Variants in KCNAB2 observed in about 807,000 individuals in gnomAD.
The protein encoded by KCNAB2 is voltage-gated potassium channel subunit beta-2.
Under a neutral mutation model 63.6 loss-of-function variants are expected in KCNAB2, and 29 were observed. The ratio of observed to expected loss-of-function variants is 0.46; its 90% confidence interval spans 0.34 to 0.62. The LOEUF is 0.62. Among genes scored for constraint, KCNAB2 ranks in the 20% least tolerant of loss-of-function variants. The pLI is 0.01. For missense variants in KCNAB2, 359 were observed against 563.9 expected, an observed-to-expected ratio of 0.64 and a Z score of 3.68; for synonymous variants, 222 against 224.2, an observed-to-expected ratio of 0.99 and a Z score of 0.09.
At chr1:6,089,925 T>A (rs1304827298) in intron 8 of KCNAB2, among the ~76,000 whole-genome samples, 1 of 152,212 alleles carries the variant, frequency 6.6e-6, no homozygotes, top group African/African-American at 2.4e-5. Flanking sequence ...GGTCTCAAAC[T>A]CCTGGCCCTC....
chr1:6,087,093 C>T lies in KCNAB2; in HGVS notation c.426-374C>T, dbSNP rs1664766918. ...CACACCCGGCCTCCTCCAGCCTTGG[C>T]TCTTGCCACTTCCTCTACCTGGATC... On this transcript the variant is annotated intron_variant, in intron 6 of 15. Coordinates refer to ENST00000378083, the MANE Select transcript of KCNAB2 (RefSeq NM_001199862.2). This position sits in a 1 kb window ranked among gnomAD's most constrained non-coding sequence, Gnocchi z 6.4. 6.6e-6 allele frequency among the ~76,000 whole-genome samples: 1 copy of T among 152,088 alleles called. No individual in the cohort carries two copies. Among genetic ancestry groups the T allele is most frequent in the South Asian group, 2.1e-4 (1 of 4,824 alleles).
At chr1:6,031,722 A>C, upstream of KCNAB2, among the ~76,000 whole-genome samples, 1 of 28,012 alleles carries the variant, frequency 3.6e-5, no homozygotes. The surrounding 1 kb of genome is among the most constrained non-coding windows in gnomAD (Gnocchi z 4.1). Flanking sequence ...CCTCATCTCT[A>C]TTAAAAAAAA....
In KCNAB2 at chr1:6,100,582, G is replaced by A. The variant is rs1241307003; in HGVS notation, c.*2008G>A. ...GGAAGAGGGACCAGCGCGAGGTGGT[G>A]CCCAGGGTGGGCACTGCTGCTTAAT... On this transcript the variant is annotated 3_prime_UTR_variant, in exon 16 of 16. Transcript: ENST00000378083. 6.6e-6 allele frequency: 1 copy of A among 152,638 alleles called. No homozygotes were observed. The highest frequency in any genetic ancestry group is 2.4e-5 in the African/African-American group (1 of 41,600). 9.5% of individuals were successfully genotyped at this position (152,638 alleles called of 1,614,324 possible). A position where few individuals can be genotyped will look rare whatever the true frequency, so the allele number is the denominator to read the frequency against.
chr1:6,023,126 C>T (rs1452641030), intron 1 of KCNAB2, among the ~76,000 whole-genome samples: 1 of 152,226 alleles, frequency 6.6e-6, no homozygotes, highest in Non-Finnish European at 1.5e-5. Flanking sequence ...AAGTGATCTG[C>T]CTGCCTTGGC....
In KCNAB2 at chr1:6,035,426, G is replaced by A. The variant is rs1659957300; in HGVS notation, c.-53+632G>A. Among the ~76,000 whole-genome samples the A allele has an allele frequency of 6.6e-6, 1 of 152,194 alleles. No homozygotes were observed. Among genetic ancestry groups the A allele is most frequent in the Admixed American group, 6.5e-5 (1 of 15,282 alleles). On this transcript the variant is annotated intron_variant, in intron 1 of 15. Transcript: ENST00000164247. The surrounding 1 kb of genome is among the most constrained non-coding windows in gnomAD (Gnocchi z 5.0). The stretch of plus-strand genomic sequence containing the variant: ...CGGCGGGGGTGGAGGTGGGCGCAGG[G>A]AATGCTGTGAGGAGCAGCATGAGAG...
At chr1:6,080,444 G>C (rs1275260807) in intron 4 of KCNAB2, among the ~76,000 whole-genome samples, 1 of 152,186 alleles carries the variant, frequency 6.6e-6, no homozygotes, top group East Asian at 1.9e-4. Flanking sequence ...GGATGCATTT[G>C]ATACCTCAGG....
intron 2 of KCNAB2, among the ~76,000 whole-genome samples, chr1:6,052,146 G>T (rs1397769102): frequency 1.3e-5 from 2 of 152,060 alleles, no homozygotes; most frequent in African/African-American, 4.8e-5. Context: ...ATGAGGCCAG[G>T]CACGGTGGCT....
At position 6,073,875 on chromosome 1, in the gene KCNAB2, C is replaced by T. The variant is rs570620252; in HGVS notation, c.300+105C>T. On this transcript the variant is annotated intron_variant, in intron 4 of 15. Transcript: ENST00000378083. The surrounding 1 kb of genome is among the most constrained non-coding windows in gnomAD (Gnocchi z 5.7). ...GTGAGCACGTGCTCCCGGGAGCCAGCGCAGCAGCCTCCCTCCCTCTTTCTG... is the reference window on the plus strand; with the variant it reads ...GTGAGCACGTGCTCCCGGGAGCCAGTGCAGCAGCCTCCCTCCCTCTTTCTG... 1.8e-5 allele frequency: 21 copies of T among 1,153,602 alleles called. No homozygotes were observed. Among genetic ancestry groups the T allele is most frequent in the East Asian group, 7.2e-5 (3 of 41,934 alleles). 71.5% of individuals were successfully genotyped at this position (1,153,602 alleles called of 1,614,324 possible).
At chr1:6,027,692 C>T (rs2100365986) in intron 1 of KCNAB2, among the ~76,000 whole-genome samples, 1 of 152,314 alleles carries the variant, frequency 6.6e-6, no homozygotes, top group South Asian at 2.1e-4. Flanking sequence ...TTGTGATCTT[C>T]TTGAAAATTG....
At chr1:5,999,031 C>T (rs994437726) in intron 1 of KCNAB2, among the ~76,000 whole-genome samples, 1 of 152,260 alleles carries the variant, frequency 6.6e-6, no homozygotes, top group Non-Finnish European at 1.5e-5. Flanking sequence ...TGCTGCTTAA[C>T]CGCAACTGCC....
intron 6 of KCNAB2, among the ~76,000 whole-genome samples, 157 bp downstream of exon 6, chr1:6,085,405 T>G (rs7512313): frequency 0.79 from 119,961 of 151,900 alleles, 48,415 homozygotes; most frequent in East Asian, 0.98. Context: ...TCTCCAAGAG[T>G]AGGAGGTGAC....
At chr1:6,050,346 C>T (rs1014749670) in intron 1 of KCNAB2, among the ~76,000 whole-genome samples, 1 of 152,134 alleles carries the variant, frequency 6.6e-6, no homozygotes, top group Non-Finnish European at 1.5e-5. Context: ...GGGCCATGGC[C>T]GAGGCTGCAG....
upstream of KCNAB2, among the ~76,000 whole-genome samples, chr1:6,044,771 G>A (rs1407780769): frequency 6.6e-6 from 1 of 152,190 alleles, no homozygotes; most frequent in Non-Finnish European, 1.5e-5. Flanking sequence ...GCCCAGGAAA[G>A]GTGCAGGACG....
At chr1:5,999,169 T>C (rs1295100) in intron 1 of KCNAB2, among the ~76,000 whole-genome samples, 1 of 152,106 alleles carries the variant, frequency 6.6e-6, no homozygotes, top group South Asian at 2.1e-4. Flanking sequence ...CCTTGTTGGT[T>C]GCCCTGCATA....
intron 1 of KCNAB2, among the ~76,000 whole-genome samples, chr1:6,017,321 G>C (rs1658563731): frequency 6.6e-6 from 1 of 152,122 alleles, no homozygotes; most frequent in African/African-American, 2.4e-5. Context: ...CACGATCTTA[G>C]CTCACTGCAA....
At chr1:5,993,647 T>C (rs1264785574) in intron 1 of KCNAB2, among the ~76,000 whole-genome samples, 1 of 152,184 alleles carries the variant, frequency 6.6e-6, no homozygotes, top group African/African-American at 2.4e-5. Context: ...TCCTGGCATT[T>C]GTCCTGGGGG....
At chr1:6,002,762 G>C (rs1371244925) in intron 1 of KCNAB2, among the ~76,000 whole-genome samples, 4 of 152,170 alleles carry the variant, frequency 2.6e-5, no homozygotes, top group Admixed American at 6.5e-5. Context: ...GGGAGGTACT[G>C]GGAGGGGCTG....
At chr1:6,022,313 C>T (rs1018203483) in intron 1 of KCNAB2, among the ~76,000 whole-genome samples, 17 of 151,728 alleles carry the variant, frequency 1.1e-4, no homozygotes, top group African/African-American at 4.1e-4. Context: ...GTGTATGGCT[C>T]AGTGGTATTG....
downstream of KCNAB2, chr1:6,101,180 ATC>A (rs1666010096): frequency 6.6e-6 from 1 of 152,138 alleles, no homozygotes; most frequent in African/African-American, 2.4e-5. Context: ...GCCCAAACCC[ATC>A]GGTCTCTGTG....
Sources: gnomAD v4.1 joint callset for allele counts (sites outside exome capture counted in the v4.1 genomes callset) on GRCh38, gnomAD v4.1.1 for gene constraint, Gnocchi (gnomAD v3.1) non-coding constraint, MANE v1.5 for transcripts, NCBI Gene and HGNC (gene_info 2026-07-23, HGNC 2026-07-21) for gene names.